CYP7B1: variants seen among roughly 807,000 people sequenced by gnomAD.
The protein encoded by CYP7B1 is cytochrome P450 family 7 subfamily B member 1.
In CYP7B1, 29 loss-of-function variants were observed where a neutral mutation model predicts 42.7. That is an observed-to-expected ratio of 0.68 (90% CI 0.51 to 0.93). CYP7B1 has a LOEUF of 0.93. Ranked by LOEUF, CYP7B1 falls within the 40% of genes least tolerant of loss-of-function variation. The pLI is 0.00. For missense variants in CYP7B1, 655 were observed against 600.5 expected (o/e 1.09, Z -0.95); for synonymous variants, 235 against 218.2 (o/e 1.08, Z -0.68).
At chr8:64,635,807 A>C (rs1805761195) in intron 1 of CYP7B1, among the ~76,000 whole-genome samples, 1 of 152,216 alleles carries the variant, frequency 6.6e-6, no homozygotes, top group African/African-American at 2.4e-5. Flanking sequence ...CTGTCAGTTC[A>C]TCTATGTAAT....
At chr8:64,587,390 AAG>A (rs1045163932), downstream of CYP7B1, among the ~76,000 whole-genome samples, 102 of 152,208 alleles carry the variant, frequency 6.7e-4, 1 homozygote, top group Admixed American at 9.2e-4. Flanking sequence ...TTGGGACAAA[AAG>A]AGAACTTCAG....
At chr8:64,672,053 T>A (rs1463977777) in intron 1 of CYP7B1, among the ~76,000 whole-genome samples, 1 of 152,118 alleles carries the variant, frequency 6.6e-6, no homozygotes, top group Non-Finnish European at 1.5e-5. Context: ...TTCTCATTAC[T>A]TTTTTTGTTC....
intron 1 of CYP7B1, among the ~76,000 whole-genome samples, chr8:64,777,064 T>C (rs1021287623): frequency 1.7e-4 from 26 of 151,918 alleles, no homozygotes; most frequent in Admixed American, 1.6e-3. Context: ...CTTGTTAATA[T>C]ATCTTTTGTT....
intron 1 of CYP7B1, among the ~76,000 whole-genome samples, chr8:64,768,660 T>C (rs1354270934): frequency 2.0e-5 from 3 of 152,212 alleles, no homozygotes; most frequent in Admixed American, 6.5e-5. Context: ...TGTCAAACTA[T>C]GAGATAAGTC....
intron 1 of CYP7B1, among the ~76,000 whole-genome samples, chr8:64,624,951 C>CTTTTTTTTTTTTTTTTTTTTTT (rs71260892): frequency 1.9e-5 from 1 of 54,022 alleles, no homozygotes; most frequent in African/African-American, 1.0e-4. Flanking sequence ...TTATATCATT[C>CTTTTTTTTTTTTTTTTTTTTTT]TTTTTTTTTT....
chr8:64,728,170 A>G (rs1367290423), intron 1 of CYP7B1: 1 of 152,250 alleles, frequency 6.6e-6, no homozygotes, highest in African/African-American at 2.4e-5. Flanking sequence ...AAAGAAGTAA[A>G]TACAGCTCAT....
chr8:64,723,957 A>G (rs1395513682), intron 1 of CYP7B1, among the ~76,000 whole-genome samples: 1 of 152,158 alleles, frequency 6.6e-6, no homozygotes, highest in Non-Finnish European at 1.5e-5. Context: ...CAGAGAACAC[A>G]TCTTTAAAAA....
chr8:64,598,245 C>T (rs1805147628), intron 5 of CYP7B1, among the ~76,000 whole-genome samples: 1 of 152,120 alleles, frequency 6.6e-6, no homozygotes, highest in Non-Finnish European at 1.5e-5. Flanking sequence ...CGTATTTTAC[C>T]ATAGTTCTGG....
At chr8:64,716,661 C>T (rs1807159642) in intron 1 of CYP7B1, among the ~76,000 whole-genome samples, 1 of 152,138 alleles carries the variant, frequency 6.6e-6, no homozygotes. Context: ...GAGCCAAGAT[C>T]ACGCCACTGC....
intron 1 of CYP7B1, among the ~76,000 whole-genome samples, chr8:64,780,598 T>TA (rs1440921229): frequency 6.6e-6 from 1 of 152,160 alleles, no homozygotes; most frequent in Non-Finnish European, 1.5e-5. Flanking sequence ...AATTCAGCTA[T>TA]AAAAATGCAT....
In CYP7B1 at chr8:64,594,938, G is replaced by A. The variant is rs1414636162; in HGVS notation, c.*1704C>T. Reference sequence around the variant, plus strand: ...TGTGCTCAGATTCAAGAAGCAGCAGGACATGCAAGCATGAGAAACAGAAAG... The same window carrying A: ...TGTGCTCAGATTCAAGAAGCAGCAGAACATGCAAGCATGAGAAACAGAAAG... On this transcript the variant is annotated 3_prime_UTR_variant, in exon 6 of 6. Coordinates refer to ENST00000310193, the MANE Select transcript of CYP7B1 (RefSeq NM_004820.5). Among the ~76,000 whole-genome samples, 1 of 152,220 alleles carries A rather than the reference G, an allele frequency of 6.6e-6. No individual in the cohort carries two copies. Among genetic ancestry groups the A allele is most frequent in the Non-Finnish European group, 1.5e-5 (1 of 68,054 alleles).
intron 1 of CYP7B1, among the ~76,000 whole-genome samples, chr8:64,671,316 C>T (rs575054909): frequency 2.6e-5 from 4 of 152,166 alleles, no homozygotes; most frequent in Middle Eastern, 3.4e-3. Flanking sequence ...TGCTACTCTG[C>T]GTCAACTAAA....
chr8:64,628,301 G>A (rs1366551237), intron 1 of CYP7B1, among the ~76,000 whole-genome samples: 1 of 152,078 alleles, frequency 6.6e-6, no homozygotes, highest in African/African-American at 2.4e-5. Context: ...CAAGTTGTAG[G>A]GCACATCTTA....
intron 1 of CYP7B1, among the ~76,000 whole-genome samples, chr8:64,744,519 C>G (rs7843690): frequency 0.015 from 2,232 of 152,154 alleles, 62 homozygotes; most frequent in African/African-American, 0.05. Flanking sequence ...AAGTGCAGCT[C>G]AGAAATAATT....
At chr8:64,774,706 T>C (rs1804293993) in intron 1 of CYP7B1, among the ~76,000 whole-genome samples, 1 of 152,202 alleles carries the variant, frequency 6.6e-6, no homozygotes, top group Non-Finnish European at 1.5e-5. Flanking sequence ...CTTATTATCA[T>C]TTCTACTTGC....
intron 1 of CYP7B1, among the ~76,000 whole-genome samples, chr8:64,698,257 G>A (rs1428966509): frequency 2.0e-5 from 3 of 152,132 alleles, no homozygotes; most frequent in African/African-American, 7.2e-5. Flanking sequence ...ATGTTGGAGT[G>A]ACCTTTGGTC....
intron 1 of CYP7B1, among the ~76,000 whole-genome samples, chr8:64,764,536 C>T (rs572853034): frequency 9.2e-5 from 14 of 152,128 alleles, no homozygotes; most frequent in Admixed American, 2.6e-4. Flanking sequence ...AGGCCTTCTC[C>T]GTGACCCTGT....
At chr8:64,634,558 A>G (rs1034947909) in intron 1 of CYP7B1, among the ~76,000 whole-genome samples, 2 of 151,646 alleles carry the variant, frequency 1.3e-5, no homozygotes, top group African/African-American at 4.8e-5. Flanking sequence ...CAGCCTGAGC[A>G]ATGGAGCAAG....
intron 1 of CYP7B1, among the ~76,000 whole-genome samples, chr8:64,632,625 T>TA (rs989872462): frequency 1.1e-4 from 17 of 151,344 alleles, no homozygotes; most frequent in South Asian, 4.2e-4. Flanking sequence ...TCAACCAATG[T>TA]AAAAAAAAAT....
Sources: allele counts gnomAD v4.1 joint callset (sites outside exome capture counted in the v4.1 genomes callset), GRCh38; gene constraint gnomAD v4.1.1; transcripts MANE v1.5; gene names NCBI Gene and HGNC (gene_info 2026-07-23, HGNC 2026-07-21).